Variants in GLYAT observed in about 807,000 individuals in gnomAD.
GLYAT encodes glycine N-acyltransferase.
Under a neutral mutation model 22.8 loss-of-function variants are expected in GLYAT, and 25 were observed. The observed-to-expected ratio is 1.09, with a 90% CI of 0.80 to 1.53. The LOEUF is 1.53. Ranked by LOEUF, GLYAT falls within the 40% of genes most tolerant of loss-of-function variation. The pLI is 0.00. For missense variants in GLYAT, 411 were observed against 353.9 expected (o/e 1.16, Z -1.29); for synonymous variants, 140 against 122.7 (o/e 1.14, Z -0.93).
In GLYAT at chr11:58,715,438, G is replaced by A. The variant is rs555746836; in HGVS notation, c.82-15C>T. On this transcript the variant is annotated splice_polypyrimidine_tract_variant and intron_variant, in intron 2 of 5. Transcript: ENST00000344743. The stretch of plus-strand genomic sequence containing the variant: ...GTTCCATAAACCTGCAGGATCCCAA[G>A]AAATTGACAGGGTTGGTTTATTTGA... 45 of 1,148,204 alleles carry A rather than the reference G, an allele frequency of 3.9e-5. No individual in the cohort carries two copies. In the Middle Eastern group the frequency reaches 5.8e-4, roughly 15 times the overall value. The allele number at this position is 1,148,204 out of a possible 1,614,324, so 71.1% of individuals were successfully genotyped here. A position where few individuals can be genotyped will look rare whatever the true frequency, so the allele number is the denominator to read the frequency against.
chr11:58,724,524 C>A lies in GLYAT; in HGVS notation c.-15-13G>T. On this transcript the variant is annotated splice_polypyrimidine_tract_variant and intron_variant, in intron 1 of 5. Transcript: ENST00000344743. Reference sequence around the variant, plus strand: ...AGGATACCTTAGCCTAGAAAGACAACCAAGGAACATACAGGATTGAGAAAA... The same window carrying A: ...AGGATACCTTAGCCTAGAAAGACAAACAAGGAACATACAGGATTGAGAAAA... 1 of 1,413,572 alleles carries A rather than the reference C, an allele frequency of 7.1e-7. No individual in the cohort carries two copies. The highest frequency in any genetic ancestry group is 1.2e-5 in the South Asian group (1 of 83,596). 87.6% of individuals were successfully genotyped at this position (1,413,572 alleles called of 1,614,324 possible).
Position 58,709,926 on chromosome 11 carries a change from G to A in GLYAT, c.731C>T (p.Thr244Met), listed in dbSNP as rs142279294. 4.1e-5 allele frequency: 66 copies of A among 1,614,066 alleles called. 1 individual carries two copies. The highest frequency in any genetic ancestry group is 2.0e-4 in the African/African-American group (15 of 75,050). ...CTGGGCGTGGGAATAGATGACATACGTCACAAGGCCATGGAGCCGGTATTC... is the reference window on the plus strand; with the variant it reads ...CTGGGCGTGGGAATAGATGACATACATCACAAGGCCATGGAGCCGGTATTC... ...LPEYRLHGLV[T>M]YVIYSHAQKL... is the part of the protein sequence containing the mutation. The change falls in exon 6 of 6, where the codon ACG becomes ATG. Residue 244 changes from threonine (T) to methionine (M), a missense_variant. Physicochemically the swap from Thr to Met is moderately conservative, Grantham distance 81. Transcript: ENST00000344743.
intron 4 of GLYAT, among the ~76,000 whole-genome samples, chr11:58,712,448 G>A (rs1192791122): frequency 6.6e-6 from 1 of 152,090 alleles, no homozygotes; most frequent in Admixed American, 6.6e-5. Flanking sequence ...TTTTATTACA[G>A]GAATAGAAGT....
At chr11:58,720,133 T>C (rs971227835) in intron 2 of GLYAT, among the ~76,000 whole-genome samples, 8 of 152,038 alleles carry the variant, frequency 5.3e-5, no homozygotes, top group African/African-American at 9.7e-5. Context: ...CCTTGTTTTA[T>C]ACATAACCTT....
At chr11:58,715,555 C>G in intron 2 of GLYAT, 132 bp from the exon 3 acceptor site, 1 of 597,788 alleles carries the variant, frequency 1.7e-6, no homozygotes, top group South Asian at 2.1e-5. Flanking sequence ...AATGGAGAAT[C>G]TAAGTCAAAG....
chr11:58,713,886 T>G (rs1856647009), intron 3 of GLYAT, among the ~76,000 whole-genome samples: 1 of 152,164 alleles, frequency 6.6e-6, no homozygotes, highest in Admixed American at 6.6e-5. Flanking sequence ...TCATTTCATA[T>G]ATTGTTTATT....
rs200561931 is a variant in GLYAT at position 58,717,157 on chromosome 11, C to CG, written c.82-1735_82-1734insC. On this transcript the variant is annotated intron_variant, in intron 2 of 5. Transcript: ENST00000344743. ...AAGATATTTTCCTTTTATATGCCCC[C>CG]CATCCTTTTTGTAAAATCTTTTGGA... 8.8e-3 allele frequency among the ~76,000 whole-genome samples: 1,343 copies of CG among 152,004 alleles called. 21 individuals are homozygous for CG. Among genetic ancestry groups the CG allele is most frequent in the African/African-American group, 0.03 (1,259 of 41,454 alleles).
intron 2 of GLYAT, among the ~76,000 whole-genome samples, chr11:58,717,595 G>A (rs904518198): frequency 2.0e-5 from 3 of 151,778 alleles, no homozygotes; most frequent in Non-Finnish European, 2.9e-5. Flanking sequence ...TTATTTTGAA[G>A]ACTTGTAGCC....
At chr11:58,720,679 A>T (rs1447896588) in intron 2 of GLYAT, among the ~76,000 whole-genome samples, 1 of 152,086 alleles carries the variant, frequency 6.6e-6, no homozygotes, top group African/African-American at 2.4e-5. Context: ...TAAATTAAAG[A>T]TGCAGCTATT....
At chr11:58,716,593 A>G (rs1409306809) in intron 2 of GLYAT, among the ~76,000 whole-genome samples, 1 of 152,148 alleles carries the variant, frequency 6.6e-6, no homozygotes, top group Non-Finnish European at 1.5e-5. Flanking sequence ...TATTTACACT[A>G]TAATATTATC....
intron 4 of GLYAT, 36 bp downstream of exon 4, chr11:58,712,723 TA>T (rs766079626): frequency 6.3e-7 from 1 of 1,598,534 alleles, no homozygotes; most frequent in Non-Finnish European, 8.6e-7. Context: ...TCAGGACACA[TA>T]AGTGAGTCAG....
chr11:58,723,396 T>A (rs1237377720), intron 2 of GLYAT, among the ~76,000 whole-genome samples: 1 of 152,128 alleles, frequency 6.6e-6, no homozygotes, highest in Non-Finnish European at 1.5e-5. Flanking sequence ...GAAGCTATAC[T>A]GTGTTGTTAA....
Position 58,709,329 on chromosome 11 carries a change from T to C in GLYAT, c.*437A>G. The stretch of plus-strand genomic sequence containing the variant: ...CAGGAGAGGATAATCTCTAAAGACC[T>C]GCTGAGGAGAGTCCACTTGTTGATC... On this transcript the variant is annotated 3_prime_UTR_variant, in exon 6 of 6. Transcript: ENST00000344743. 6.3e-6 allele frequency: 1 copy of C among 159,212 alleles called. No homozygotes were observed. Among genetic ancestry groups the C allele is most frequent in the East Asian group, 1.8e-4 (1 of 5,448 alleles). 9.9% of individuals were successfully genotyped at this position (159,212 alleles called of 1,614,324 possible). A position where few individuals can be genotyped will look rare whatever the true frequency, so the allele number is the denominator to read the frequency against.
intron 1 of GLYAT, 52 bp from the exon 2 acceptor site, chr11:58,724,563 C>T: frequency 1.0e-6 from 1 of 977,300 alleles, no homozygotes; most frequent in South Asian, 2.0e-5. Flanking sequence ...AGAGGAGATT[C>T]TGAAACAAGA....
rs772239779 is a variant in GLYAT at position 58,709,776 on chromosome 11, A to G, written c.881T>C (p.Val294Ala). The G allele has an allele frequency of 5.0e-6, 8 of 1,610,100 alleles. No homozygotes were observed. Among genetic ancestry groups the G allele is most frequent in the African/African-American group, 4.0e-5 (3 of 74,892 alleles). Residue 294 changes from valine to alanine, a missense_variant, in exon 6 of 6, where the codon GTA (valine) becomes GCA (alanine). Val to Ala is a moderately conservative substitution (Grantham distance 64, BLOSUM62 0). Transcript: ENST00000344743. ...IPRSWNQWNC[V>A]PL ...TGTTCAGGATTGGCATCACAGAGGT[A>G]CACAGTTCCACTGGTTCCAGCTTCT...
intron 2 of GLYAT, among the ~76,000 whole-genome samples, chr11:58,723,246 CA>C (rs551148130): frequency 9.0e-4 from 137 of 151,438 alleles, no homozygotes; most frequent in Middle Eastern, 3.4e-3. Context: ...ATATGCCTTC[CA>C]AAAAAAATGT....
In GLYAT at chr11:58,709,784, C is replaced by T; in HGVS notation, c.873G>A (p.Trp291Ter). 6.2e-7 allele frequency: 1 copy of T among 1,611,490 alleles called. No homozygotes were observed. The highest frequency in any genetic ancestry group is 1.1e-5 in the South Asian group (1 of 90,456). Residue 291 changes from tryptophan (W) to a stop codon, truncating the protein, a stop_gained, in exon 6 of 6, where the codon TGG (tryptophan) becomes TGA (stop). Coordinates refer to ENST00000344743, the MANE Select transcript of GLYAT (RefSeq NM_201648.3). LOFTEE classifies it high-confidence loss of function. ...ATTGGCATCACAGAGGTACACAGTT[C>T]CACTGGTTCCAGCTTCTGGGAATGG... ...HVPIPRSWNQ[W>*]NCVPL
In GLYAT at chr11:58,709,565, C is replaced by T. The variant is rs1856582798; in HGVS notation, c.*201G>A. The T allele has an allele frequency of 1.9e-6, 1 of 526,408 alleles. No homozygotes were observed. The highest frequency in any genetic ancestry group is 3.0e-5 in the East Asian group (1 of 33,782). The allele number at this position is 526,408 out of a possible 1,614,324, so 32.6% of individuals were successfully genotyped here. On this transcript the variant is annotated 3_prime_UTR_variant, in exon 6 of 6. Transcript: ENST00000344743. ...ATTGCTTATGTCAAATGTAAGAGGA[C>T]CTGGGCCTGCTTCCCACTGAGAAAC...
At chr11:58,713,587 G>GTT (rs958822111) in intron 3 of GLYAT, among the ~76,000 whole-genome samples, 8 of 152,086 alleles carry the variant, frequency 5.3e-5, no homozygotes, top group Non-Finnish European at 1.2e-4. Context: ...TAAAAAATAT[G>GTT]TTGGTTAAAC....
Sources: allele counts gnomAD v4.1 joint callset (sites outside exome capture counted in the v4.1 genomes callset), GRCh38; gene constraint gnomAD v4.1.1; transcripts MANE v1.5; gene names NCBI Gene and HGNC (gene_info 2026-07-23, HGNC 2026-07-21).